DOCK2: variants seen among roughly 807,000 people sequenced by gnomAD.
The protein encoded by DOCK2 is dedicator of cytokinesis protein 2.
In DOCK2, 87 loss-of-function variants were observed where a neutral mutation model predicts 248.9. The ratio of observed to expected loss-of-function variants is 0.35; its 90% CI spans 0.29 to 0.42. The LOEUF (loss-of-function observed/expected upper bound fraction) is 0.42, where lower values mean the gene tolerates loss of function less well. Ranked by LOEUF, DOCK2 falls within the 10% of genes least tolerant of loss-of-function variation. The pLI, the probability that DOCK2 is intolerant of heterozygous loss-of-function variation, is 1.00. For missense variants in DOCK2, 1,747 were observed against 2,300.2 expected (o/e 0.76, Z 4.92); for synonymous variants, 805 against 821.6 (o/e 0.98, Z 0.35).
At chr5:169,881,119 C>T (rs1310622824) in intron 27 of DOCK2, among the ~76,000 whole-genome samples, 1 of 152,148 alleles carries the variant, frequency 6.6e-6, no homozygotes, top group Non-Finnish European at 1.5e-5. Context: ...ATGTGCATGC[C>T]AAGCTTACCA....
At chr5:170,042,492 T>C (rs1312750869) in intron 38 of DOCK2, among the ~76,000 whole-genome samples, 1 of 152,192 alleles carries the variant, frequency 6.6e-6, no homozygotes, top group African/African-American at 2.4e-5. Context: ...AATTACACAA[T>C]CCTTCCCATG....
At chr5:169,780,578 T>A (rs114383263) in intron 25 of DOCK2, among the ~76,000 whole-genome samples, 3 of 152,300 alleles carry the variant, frequency 2.0e-5, no homozygotes, top group Non-Finnish European at 2.9e-5. Context: ...CGTGCTTCTC[T>A]AAGATTTTCC....
chr5:169,872,055 A>C (rs974761972), intron 27 of DOCK2, among the ~76,000 whole-genome samples: 76 of 152,258 alleles, frequency 5.0e-4, no homozygotes, highest in African/African-American at 1.8e-3. Flanking sequence ...CACTGCCATC[A>C]ACTACACTCT....
At chr5:170,055,276 A>G (rs755885819) in intron 41 of DOCK2, 29 bp from the exon 42 acceptor site, 2 of 1,609,424 alleles carry the variant, frequency 1.2e-6, no homozygotes, top group East Asian at 4.5e-5. Context: ...CAGCCAACAG[A>G]TATAAGTCCT....
At chr5:169,954,602 GA>G (rs1215726518) in intron 27 of DOCK2, among the ~76,000 whole-genome samples, 1 of 152,260 alleles carries the variant, frequency 6.6e-6, no homozygotes, top group African/African-American at 2.4e-5. Flanking sequence ...TCTATTTTAT[GA>G]AAGGGATAAC....
intron 23 of DOCK2, among the ~76,000 whole-genome samples, chr5:169,756,552 G>A (rs1016447348): frequency 2.6e-5 from 4 of 152,242 alleles, no homozygotes; most frequent in Non-Finnish European, 4.4e-5. Context: ...AGGCTCATGC[G>A]GTGCTGGGTG....
At chr5:169,760,261 G>A (rs1212846178) in intron 24 of DOCK2, among the ~76,000 whole-genome samples, 2 of 146,600 alleles carry the variant, frequency 1.4e-5, no homozygotes, top group Non-Finnish European at 3.1e-5. Context: ...ATTTCAATCA[G>A]ATATACCTTC....
chr5:169,963,026 T>G (rs1777155615), intron 27 of DOCK2, among the ~76,000 whole-genome samples: 1 of 152,158 alleles, frequency 6.6e-6, no homozygotes, highest in Non-Finnish European at 1.5e-5. Flanking sequence ...GATGCTTAAG[T>G]GGGGCTTTGG....
At chr5:169,871,492 G>T (rs1276532563) in intron 27 of DOCK2, among the ~76,000 whole-genome samples, 3 of 152,166 alleles carry the variant, frequency 2.0e-5, no homozygotes, top group African/African-American at 4.8e-5. Flanking sequence ...ACAATCCCAT[G>T]GGATAAATAA....
At chr5:169,788,503 T>C (rs1766131395) in intron 25 of DOCK2, among the ~76,000 whole-genome samples, 2 of 152,144 alleles carry the variant, frequency 1.3e-5, no homozygotes. Flanking sequence ...TAAAACACAA[T>C]ATGAAAAATT....
intron 45 of DOCK2, among the ~76,000 whole-genome samples, chr5:170,068,736 T>C (rs1757578600): frequency 6.6e-6 from 1 of 152,192 alleles, no homozygotes; most frequent in Non-Finnish European, 1.5e-5. Context: ...CACAGAGCAA[T>C]GTTCTCAAAC....
At chr5:169,704,277 A>G (rs1761126409) in intron 14 of DOCK2, among the ~76,000 whole-genome samples, 1 of 152,232 alleles carries the variant, frequency 6.6e-6, no homozygotes, top group South Asian at 2.1e-4. Context: ...CAGTACATTC[A>G]AACACTTCTG....
chr5:169,882,744 C>G (rs1218956347), intron 27 of DOCK2: 1 of 1,551,838 alleles, frequency 6.4e-7, no homozygotes, highest in Non-Finnish European at 8.7e-7. Context: ...TGGTCTCACT[C>G]CTTGAAAGAG....
intron 22 of DOCK2, among the ~76,000 whole-genome samples, chr5:169,728,312 G>T (rs1291063459): frequency 6.6e-6 from 1 of 152,178 alleles, no homozygotes; most frequent in African/African-American, 2.4e-5. Context: ...TCAGGAGAAT[G>T]GAGACACAGT....
chr5:170,028,997 G>A (rs1487127512), intron 34 of DOCK2, among the ~76,000 whole-genome samples: 1 of 152,138 alleles, frequency 6.6e-6, no homozygotes, highest in Non-Finnish European at 1.5e-5. Flanking sequence ...TATTTAGGCT[G>A]TTTCTACTTT....
intron 27 of DOCK2, among the ~76,000 whole-genome samples, chr5:169,956,433 A>C (rs1472919752): frequency 6.6e-6 from 1 of 152,212 alleles, no homozygotes; most frequent in African/African-American, 2.4e-5. Flanking sequence ...GTTGTATTAG[A>C]AAGATTACTG....
At position 170,060,758 on chromosome 5, in the gene DOCK2, G is replaced by A. The variant is rs112881967; in HGVS notation, c.4467+3092G>A. Among the ~76,000 whole-genome samples, 698 of 152,246 alleles carry A rather than the reference G, an allele frequency of 4.6e-3. 3 individuals carry two copies. The highest frequency in any genetic ancestry group is 0.013 in the African/African-American group (546 of 41,546). On this transcript the variant is annotated intron_variant, in intron 44 of 51. Transcript: ENST00000520908. Reference sequence around the variant, plus strand: ...AAAAATATGAAATGCTGGGGTGGGCGTGGTGGCTCATGCCTGTAATCCCAA... The same window carrying A: ...AAAAATATGAAATGCTGGGGTGGGCATGGTGGCTCATGCCTGTAATCCCAA...
intron 1 of DOCK2, among the ~76,000 whole-genome samples, chr5:169,651,971 A>G (rs1757832125): frequency 6.6e-6 from 1 of 152,216 alleles, no homozygotes; most frequent in Non-Finnish European, 1.5e-5. Context: ...ATGCTAATAA[A>G]AAGAAAAGTG....
At chr5:169,817,650 T>A (rs1768150027) in intron 26 of DOCK2, among the ~76,000 whole-genome samples, 1 of 152,260 alleles carries the variant, frequency 6.6e-6, no homozygotes, top group Non-Finnish European at 1.5e-5. Context: ...CCTTGCCTTG[T>A]CTGTTTCACA....
Sources: gnomAD v4.1 joint callset for allele counts (sites outside exome capture counted in the v4.1 genomes callset) on GRCh38, gnomAD v4.1.1 for gene constraint, MANE v1.5 for transcripts, NCBI Gene and HGNC (gene_info 2026-07-23, HGNC 2026-07-21) for gene names.